The following PTPRO variants were observed in gnomAD, a reference collection of about 807,000 sequenced individuals.
PTPRO encodes protein tyrosine phosphatase receptor type O.
In PTPRO, 62 loss-of-function variants were observed where a neutral mutation model predicts 145.2. The ratio of observed to expected loss-of-function variants is 0.43; its 90% confidence interval spans 0.35 to 0.53. PTPRO has a LOEUF of 0.53. Among genes scored for constraint, PTPRO ranks in the 20% least tolerant of loss-of-function variants. The pLI, the probability that PTPRO is intolerant of heterozygous loss-of-function variation, is 0.01. For missense variants in PTPRO, 1,345 were observed against 1,482.7 expected, an observed-to-expected ratio of 0.91 and a Z score of 1.53; for synonymous variants, 565 against 514.7, an observed-to-expected ratio of 1.10 and a Z score of -1.32.
intron 1 of PTPRO, among the ~76,000 whole-genome samples, chr12:15,424,148 T>C (rs1301515839): frequency 6.6e-6 from 1 of 152,222 alleles, no homozygotes; most frequent in Admixed American, 6.5e-5. Flanking sequence ...AAGTGTAGCA[T>C]AAGTATTATC....
intron 6 of PTPRO, among the ~76,000 whole-genome samples, chr12:15,505,943 A>G (rs967553590): frequency 6.6e-6 from 1 of 152,228 alleles, no homozygotes; most frequent in Non-Finnish European, 1.5e-5. Context: ...TAGCCTTATG[A>G]AGAAAACACT....
intron 17 of PTPRO, among the ~76,000 whole-genome samples, chr12:15,562,294 T>C (rs1943793328): frequency 6.6e-6 from 1 of 152,168 alleles, no homozygotes. Flanking sequence ...TAATAACTTG[T>C]GGTTATTTTC....
At chr12:15,438,402 G>A (rs535163299) in intron 1 of PTPRO, among the ~76,000 whole-genome samples, 70 of 152,074 alleles carry the variant, frequency 4.6e-4, no homozygotes, top group Admixed American at 2.1e-3. Flanking sequence ...AATTCAAAGC[G>A]TGGATTGCAA....
chr12:15,580,077 G>A lies in PTPRO; in HGVS notation c.2959G>A (p.Glu987Lys). Residue 987 changes from glutamate (E) to lysine (K), a missense_variant, in exon 21 of 27, where the codon GAG becomes AAG. Glu to Lys is a moderately conservative substitution (Grantham distance 56, BLOSUM62 1). This residue lies in a region of PTPRO where 1,130 missense variants were observed against 1,214.7 expected (regional missense o/e 0.93). Transcript: ENST00000281171. ...SRVRLVSMNE[E>K]EGADYINANY... ...TGTGAGATTAGTCTCCATGAATGAA[G>A]AGGAAGGTGCAGACTACATCAATGC... The A allele has an allele frequency of 1.2e-6, 2 of 1,613,114 alleles. No homozygotes were observed. Among genetic ancestry groups the A allele is most frequent in the African/African-American group, 1.3e-5 (1 of 74,982 alleles).
chr12:15,571,934 A>G (rs1944060857), intron 19 of PTPRO, among the ~76,000 whole-genome samples: 3 of 152,180 alleles, frequency 2.0e-5, no homozygotes, highest in Non-Finnish European at 2.9e-5. Flanking sequence ...AGAATTATAA[A>G]TTTTATGTGC....
chr12:15,594,933 C>G lies in PTPRO; in HGVS notation c.3547-4C>G. On this transcript the variant is annotated splice_polypyrimidine_tract_variant and splice_region_variant and intron_variant, in intron 25 of 26. Coordinates refer to ENST00000281171, the MANE Select transcript of PTPRO (RefSeq NM_030667.3). ...CTGAAACCTGTTTTTGTCTTTTGTT[C>G]CAGGAGCAGTACATTTTTATCCATC... 6.2e-7 allele frequency: 1 copy of G among 1,610,196 alleles called. No individual in the cohort carries two copies. Among genetic ancestry groups the G allele is most frequent in the Non-Finnish European group, 8.5e-7 (1 of 1,176,982 alleles).
At chr12:15,338,180 C>G (rs1311467864) in intron 1 of PTPRO, among the ~76,000 whole-genome samples, 1 of 152,152 alleles carries the variant, frequency 6.6e-6, no homozygotes, top group African/African-American at 2.4e-5. Flanking sequence ...GTACCTGGAA[C>G]TTTCCTGTAT....
chr12:15,430,655 T>C (rs1940410142), intron 1 of PTPRO, among the ~76,000 whole-genome samples: 1 of 152,144 alleles, frequency 6.6e-6, no homozygotes, highest in Admixed American at 6.5e-5. Context: ...AGAGATCTAT[T>C]GTACATCATG....
chr12:15,565,427 A>G, intron 17 of PTPRO, 166 bp from the exon 18 acceptor site: 1 of 520,782 alleles, frequency 1.9e-6, no homozygotes, highest in East Asian at 3.2e-5. Flanking sequence ...TGAAATTATT[A>G]TTATCTTCTC....
intron 13 of PTPRO, among the ~76,000 whole-genome samples, chr12:15,547,124 G>A (rs1223104480): frequency 6.6e-6 from 1 of 152,144 alleles, no homozygotes; most frequent in Non-Finnish European, 1.5e-5. Flanking sequence ...CATTGCATAA[G>A]TATAGAAAAA....
chr12:15,377,956 G>T (rs951679450), intron 1 of PTPRO, among the ~76,000 whole-genome samples: 3 of 151,988 alleles, frequency 2.0e-5, no homozygotes, highest in East Asian at 3.8e-4. Flanking sequence ...ATGAAAATGA[G>T]AATGTAACAT....
intron 15 of PTPRO, among the ~76,000 whole-genome samples, chr12:15,555,542 G>A (rs545680990): frequency 2.0e-5 from 3 of 152,244 alleles, no homozygotes; most frequent in South Asian, 4.1e-4. Flanking sequence ...TAATAACATA[G>A]CGTAATACTC....
At chr12:15,594,293 A>G (rs758154494) in intron 25 of PTPRO, among the ~76,000 whole-genome samples, 1 of 152,090 alleles carries the variant, frequency 6.6e-6, no homozygotes, top group Non-Finnish European at 1.5e-5. Flanking sequence ...GTATTTTTAA[A>G]GACAATTTAT....
chr12:15,424,602 C>A (rs1003774682), intron 1 of PTPRO, among the ~76,000 whole-genome samples: 4 of 151,956 alleles, frequency 2.6e-5, no homozygotes, highest in Non-Finnish European at 4.4e-5. Context: ...AGTTCCACAG[C>A]TGATGTATAC....
intron 12 of PTPRO, among the ~76,000 whole-genome samples, chr12:15,540,569 C>T (rs1171282439): frequency 6.6e-6 from 1 of 152,182 alleles, no homozygotes; most frequent in Non-Finnish European, 1.5e-5. Flanking sequence ...TAATGAGTCA[C>T]ATTAAAAGAA....
At chr12:15,371,526 C>T (rs934171005) in intron 1 of PTPRO, among the ~76,000 whole-genome samples, 2 of 152,190 alleles carry the variant, frequency 1.3e-5, no homozygotes, top group Non-Finnish European at 2.9e-5. Context: ...AGCCACCACA[C>T]CCAGCAAGCT....
intron 12 of PTPRO, among the ~76,000 whole-genome samples, chr12:15,541,025 C>A (rs1236040714): frequency 2.0e-5 from 3 of 152,152 alleles, no homozygotes; most frequent in African/African-American, 7.2e-5. Context: ...AGCAAACAAC[C>A]CTATATCTAT....
chr12:15,561,575 T>TA (rs1386139249), intron 17 of PTPRO, among the ~76,000 whole-genome samples: 1 of 152,132 alleles, frequency 6.6e-6, no homozygotes, highest in African/African-American at 2.4e-5. Flanking sequence ...AGTTCATTGT[T>TA]ACAGTTTTTA....
Position 15,586,975 on chromosome 12 carries a change from GA to G in PTPRO, c.3337del (p.Ser1113ValfsTer20). The G allele has an allele frequency of 6.2e-7, 1 of 1,614,098 alleles. No homozygotes were observed. The highest frequency in any genetic ancestry group is 8.5e-7 in the Non-Finnish European group (1 of 1,179,988). On this transcript the variant is annotated frameshift_variant, in exon 24 of 27. Transcript: ENST00000281171. LOFTEE classifies it high-confidence loss of function. ...TGGTGTGCCCACAGCAAATGCTGCA[GA>G]AAGTATCCTGCAGTTTGTACACATG... ...DHGVPTANAA[E>X]SILQFVHMVR...
Sources: gnomAD v4.1 joint callset for allele counts (sites outside exome capture counted in the v4.1 genomes callset) on GRCh38, gnomAD v4.1.1 for gene constraint, gnomAD v4.1.1 regional missense constraint, MANE v1.5 for transcripts, NCBI Gene and HGNC (gene_info 2026-07-23, HGNC 2026-07-21) for gene names.